The following MTCL3 variants were observed in gnomAD, a reference collection of about 807,000 sequenced individuals.
The protein encoded by MTCL3 is MTCL family member 3.
chr6:127,476,376 C>T, the MTCL3 span: 6 of 1,614,154 alleles, frequency 3.7e-6, no homozygotes, highest in South Asian at 6.6e-5. This position sits in a 1 kb window ranked among gnomAD's most constrained non-coding sequence, Gnocchi z 4.4. Context: ...CAAATCTGTC[C>T]TTTTCTTTAT....
the MTCL3 span, chr6:127,481,497 A>T: frequency 1.0e-6 from 1 of 984,724 alleles, no homozygotes; most frequent in South Asian, 4.7e-5. Flanking sequence ...ACAGAGCAGG[A>T]ACAGAGCAGG....
chr6:127,513,618 T>C, the MTCL3 span, among the ~76,000 whole-genome samples: 1 of 152,230 alleles, frequency 6.6e-6, no homozygotes, highest in African/African-American at 2.4e-5. Context: ...ATTTTTTGAA[T>C]GACTGTGCAT....
At chr6:127,516,708 A>T in the MTCL3 span, 1 of 1,497,002 alleles carries the variant, frequency 6.7e-7, no homozygotes, top group Non-Finnish European at 8.9e-7. Flanking sequence ...CTAAGCTGGG[A>T]CAGAAACAAA....
the MTCL3 span, chr6:127,517,481 T>G: frequency 2.6e-5 from 4 of 152,218 alleles, no homozygotes; most frequent in Admixed American, 2.6e-4. Context: ...AGTTCTGCAG[T>G]TTCCTAAGTT....
chr6:127,515,588 G>C, the MTCL3 span: 1 of 1,435,800 alleles, frequency 7.0e-7, no homozygotes. The surrounding 1 kb of genome is among the most constrained non-coding windows in gnomAD (Gnocchi z 4.3). Context: ...AGCTGCTGCG[G>C]GTGCGGCTGC....
chr6:127,515,501 C>T, the MTCL3 span: 237 of 1,427,092 alleles, frequency 1.7e-4, 1 homozygote, highest in African/African-American at 3.2e-3. This position sits in a 1 kb window ranked among gnomAD's most constrained non-coding sequence, Gnocchi z 4.3. Context: ...CCGGGTCCCC[C>T]CACCCTCCTC....
the MTCL3 span, among the ~76,000 whole-genome samples, chr6:127,488,573 C>T: frequency 6.6e-6 from 1 of 152,052 alleles, no homozygotes; most frequent in Admixed American, 6.6e-5. Context: ...GTTTTGGAAG[C>T]GTTACTAAAA....
the MTCL3 span, among the ~76,000 whole-genome samples, chr6:127,496,750 A>G: frequency 1.3e-5 from 2 of 152,246 alleles, no homozygotes; most frequent in Non-Finnish European, 2.9e-5. Context: ...TACAAAAGGA[A>G]TGAACTATGG....
the MTCL3 span, chr6:127,475,567 G>C: frequency 1.2e-6 from 2 of 1,609,132 alleles, no homozygotes; most frequent in East Asian, 2.2e-5. The surrounding 1 kb of genome is among the most constrained non-coding windows in gnomAD (Gnocchi z 7.3). Flanking sequence ...CTCGGCCTCC[G>C]AGCGGATGTC....
chr6:127,493,138 A>G, the MTCL3 span, among the ~76,000 whole-genome samples: 2 of 152,158 alleles, frequency 1.3e-5, no homozygotes, highest in African/African-American at 2.4e-5. Context: ...TTTGTTTATC[A>G]TTCTGTTTCT....
the MTCL3 span, among the ~76,000 whole-genome samples, chr6:127,488,886 A>G: frequency 7.9e-5 from 12 of 152,246 alleles, no homozygotes; most frequent in Non-Finnish European, 1.3e-4. Flanking sequence ...ATGATACAGT[A>G]AAAACCACTA....
At chr6:127,506,127 A>G in the MTCL3 span, among the ~76,000 whole-genome samples, 1 of 152,220 alleles carries the variant, frequency 6.6e-6, no homozygotes, top group Non-Finnish European at 1.5e-5. Context: ...TCTAGACTCC[A>G]TTATTCGTGT....
At chr6:127,477,222 G>A in the MTCL3 span, among the ~76,000 whole-genome samples, 1 of 152,178 alleles carries the variant, frequency 6.6e-6, no homozygotes, top group Non-Finnish European at 1.5e-5. Context: ...AAAATAGGTT[G>A]TACTCCCATC....
chr6:127,502,675 A>C, the MTCL3 span, among the ~76,000 whole-genome samples: 1 of 152,190 alleles, frequency 6.6e-6, no homozygotes, highest in Non-Finnish European at 1.5e-5. Context: ...TCTTCCCAGG[A>C]ATTGTCTTTA....
chr6:127,508,182 G>A, the MTCL3 span, among the ~76,000 whole-genome samples: 15 of 152,174 alleles, frequency 9.9e-5, no homozygotes, highest in Admixed American at 3.9e-4. Context: ...ATGCTTCTTC[G>A]CTGATTTATC....
At chr6:127,497,791 AG>A in the MTCL3 span, among the ~76,000 whole-genome samples, 4 of 152,250 alleles carry the variant, frequency 2.6e-5, no homozygotes, top group African/African-American at 9.6e-5. Flanking sequence ...TCTAAGAGAA[AG>A]AAAAAGGAAA....
chr6:127,510,597 TA>T, the MTCL3 span, among the ~76,000 whole-genome samples: 1 of 152,230 alleles, frequency 6.6e-6, no homozygotes, highest in African/African-American at 2.4e-5. Flanking sequence ...GGTATCCACT[TA>T]AAACATTCAC....
chr6:127,516,092 C>T, the MTCL3 span: 540 of 1,494,986 alleles, frequency 3.6e-4, no homozygotes, highest in Middle Eastern at 1.9e-3. Context: ...CCGCCGGCTC[C>T]TCCTCCTTCC....
chr6:127,474,601 A>G, the MTCL3 span, among the ~76,000 whole-genome samples: 2 of 151,788 alleles, frequency 1.3e-5, no homozygotes, highest in African/African-American at 4.8e-5. Flanking sequence ...TTTTTTTGAG[A>G]CAGGGTTTCA....
Sources: gnomAD v4.1 joint callset for allele counts (sites outside exome capture counted in the v4.1 genomes callset) on GRCh38, gnomAD v4.1.1 for gene constraint, Gnocchi (gnomAD v3.1) non-coding constraint, MANE v1.5 for transcripts, NCBI Gene and HGNC (gene_info 2026-07-23, HGNC 2026-07-21) for gene names.